Variants in BPTF observed in about 807,000 individuals in gnomAD.
The protein encoded by BPTF is bromodomain PHD finger transcription factor.
A neutral mutation model predicts 292.5 loss-of-function variants in BPTF; 18 were observed. That is an observed-to-expected ratio of 0.06 (90% CI 0.04 to 0.09). The LOEUF is 0.09. Ranked by LOEUF, BPTF falls within the 10% of genes least tolerant of loss-of-function variation. BPTF has a pLI of 1.00. For missense variants in BPTF, 2,726 were observed against 3,498.7 expected, an observed-to-expected ratio of 0.78 and a Z score of 5.57; for synonymous variants, 1,225 against 1,251.9, an observed-to-expected ratio of 0.98 and a Z score of 0.45.
intron 13 of BPTF, among the ~76,000 whole-genome samples, chr17:67,922,523 A>G (rs958511779): frequency 7.9e-5 from 12 of 152,170 alleles, no homozygotes; most frequent in African/African-American, 2.9e-4. Flanking sequence ...GAGGCTTGGA[A>G]TAGTGCTCCA....
In BPTF at chr17:67,857,148, A is replaced by ATTTTTT. The variant is rs35727338; in HGVS notation, c.1436+2406_1436+2411dup. On this transcript the variant is annotated intron_variant, in intron 2 of 27. Coordinates refer to ENST00000306378, the MANE Select transcript of BPTF (RefSeq NM_182641.4). ...TATCCTTATGAGTTCGTCTTTAACA[A>ATTTTTT]TTTTTTTTTTTTTTTTTTTTTTTTT... Among the ~76,000 whole-genome samples, 43 of 97,634 alleles carry ATTTTTT rather than the reference A, an allele frequency of 4.4e-4. 1 individual carries two copies. The highest frequency in any genetic ancestry group is 6.6e-4 in the African/African-American group (20 of 30,472). The allele number at this position is 97,634 out of a possible 152,430, so 64.1% of individuals were successfully genotyped here. A position where few individuals can be genotyped will look rare whatever the true frequency, so the allele number is the denominator to read the frequency against.
intron 27 of BPTF, among the ~76,000 whole-genome samples, chr17:67,981,265 T>A (rs782814769): frequency 6.6e-6 from 1 of 152,260 alleles, no homozygotes; most frequent in Non-Finnish European, 1.5e-5. Flanking sequence ...TAAGGCAGAA[T>A]GAAACATAAC....
At chr17:67,910,193 T>C (rs2146883015) in intron 10 of BPTF, among the ~76,000 whole-genome samples, 1 of 152,350 alleles carries the variant, frequency 6.6e-6, no homozygotes, top group East Asian at 1.9e-4. Context: ...GTAGCATTTA[T>C]CAGTACTTTC....
chr17:67,948,183 G>A lies in BPTF; in HGVS notation c.7803G>A (p.Gln2601=), dbSNP rs190883344. The A allele has an allele frequency of 4.4e-5, 71 of 1,614,164 alleles. 1 individual carries two copies. The East Asian group carries it at 1.2e-3, about 28-fold the overall frequency. The change falls in exon 23 of 28, where the codon CAG becomes CAA. Residue 2601 remains glutamine (Q), a synonymous_variant. Coordinates refer to ENST00000306378, the MANE Select transcript of BPTF (RefSeq NM_182641.4). ...KKRKREESVE[Q]KRSKQNATKL... ...GGAAGCGTGAAGAGAGTGTGGAGCAGAAACGTAGCAAGCAGAATGCCACTA... is the reference window on the plus strand; with the variant it reads ...GGAAGCGTGAAGAGAGTGTGGAGCAAAAACGTAGCAAGCAGAATGCCACTA...
In BPTF at chr17:67,866,677, G is replaced by A. The variant is rs766745154; in HGVS notation, c.1650G>A (p.Ala550=). The stretch of plus-strand genomic sequence containing the variant: ...GGGGCAGTAACAAATCCTTTCTGGC[G>A]GCAGCTAATGGTGAGAGGGGCATTT... The part of the protein sequence containing the change: ...KARGSNKSFL[A]AANEEILESI... The change falls in exon 3 of 28, where the codon GCG becomes GCA. Residue 550 remains alanine (A), a synonymous_variant. Coordinates refer to ENST00000306378, the MANE Select transcript of BPTF (RefSeq NM_182641.4). 3.7e-6 allele frequency: 6 copies of A among 1,612,230 alleles called. No homozygotes were observed. Among genetic ancestry groups the A allele is most frequent in the South Asian group, 1.1e-5 (1 of 90,926 alleles).
At position 67,903,809 on chromosome 17, in the gene BPTF, T is replaced by C. The variant is rs1249984546; in HGVS notation, c.2564T>C (p.Ile855Thr). The change falls in exon 8 of 28, where the codon ATT becomes ACT. Residue 855 changes from isoleucine to threonine, a missense_variant. Ile to Thr is a moderately conservative substitution (Grantham distance 89, BLOSUM62 -1). Coordinates refer to ENST00000306378, the MANE Select transcript of BPTF (RefSeq NM_182641.4). ...CTTAGGTTACACCGGATGACATCAA[T>C]TGAAAGAGAAGAAAAGGAGAAAGTC... ...GHTRLHRMTS[I>T]EREEKEKVKK... 18 of 1,576,728 alleles carry C rather than the reference T, an allele frequency of 1.1e-5. No homozygotes were observed. The highest frequency in any genetic ancestry group is 1.5e-5 in the Non-Finnish European group (17 of 1,167,360).
intron 27 of BPTF, among the ~76,000 whole-genome samples, chr17:67,976,642 C>T (rs1555694018): frequency 7.2e-6 from 1 of 138,712 alleles, no homozygotes. Flanking sequence ...GCTGTGATTA[C>T]ACCACTGCTC....
At chr17:67,875,687 G>C (rs574639917) in intron 4 of BPTF, 2 of 1,606,936 alleles carry the variant, frequency 1.2e-6, no homozygotes, top group African/African-American at 1.3e-5. Flanking sequence ...AGAAACCCCC[G>C]ATAGCAGCAA....
chr17:67,872,847 A>G (rs2059828103), intron 3 of BPTF, among the ~76,000 whole-genome samples: 1 of 152,060 alleles, frequency 6.6e-6, no homozygotes, highest in Non-Finnish European at 1.5e-5. Flanking sequence ...CTGTAACCCC[A>G]GTGCTTTGGT....
intron 9 of BPTF, among the ~76,000 whole-genome samples, chr17:67,907,305 A>G (rs1352157866): frequency 1.3e-5 from 2 of 151,216 alleles, no homozygotes; most frequent in Non-Finnish European, 2.9e-5. Context: ...AACTACACAA[A>G]TACAAAGAGA....
At chr17:67,870,001 CAAAAAAAAAAAAA>C (rs59327152) in intron 3 of BPTF, among the ~76,000 whole-genome samples, 2 of 59,194 alleles carry the variant, frequency 3.4e-5, no homozygotes, top group African/African-American at 5.8e-5. Context: ...GACTCCGTCT[CAAAAAAAAAAAAA>C]AAAAAAAAAA....
chr17:67,836,963 A>T (rs1368944665), intron 1 of BPTF, among the ~76,000 whole-genome samples: 1 of 152,198 alleles, frequency 6.6e-6, no homozygotes, highest in African/African-American at 2.4e-5. Flanking sequence ...AACTTGGAAG[A>T]TTACCTTCTT....
At chr17:67,920,909 TAAG>T (rs1217252212) in intron 13 of BPTF, among the ~76,000 whole-genome samples, 3 of 151,738 alleles carry the variant, frequency 2.0e-5, no homozygotes, top group Non-Finnish European at 4.4e-5. Flanking sequence ...AAAAACCTAG[TAAG>T]AAATATATAA....
intron 7 of BPTF, among the ~76,000 whole-genome samples, chr17:67,894,563 T>G (rs2061325721): frequency 6.6e-6 from 1 of 152,094 alleles, no homozygotes. Context: ...CTCCTGACCT[T>G]GTGATCTGCC....
At chr17:67,848,117 C>A (rs1215557458) in intron 1 of BPTF, among the ~76,000 whole-genome samples, 2 of 151,896 alleles carry the variant, frequency 1.3e-5, no homozygotes, top group Non-Finnish European at 2.9e-5. Flanking sequence ...TAGAAACACA[C>A]ATTATATAGA....
intron 18 of BPTF, among the ~76,000 whole-genome samples, chr17:67,937,971 G>A (rs773493340): frequency 2.0e-5 from 3 of 152,178 alleles, no homozygotes; most frequent in Admixed American, 6.5e-5. Context: ...AAAAATAGCC[G>A]GGCATGGTGG....
chr17:67,896,982 A>T (rs2061490416), intron 7 of BPTF, among the ~76,000 whole-genome samples: 1 of 152,172 alleles, frequency 6.6e-6, no homozygotes, highest in South Asian at 2.1e-4. Context: ...TAAGTCTCTG[A>T]TAAGATTATC....
intron 9 of BPTF, among the ~76,000 whole-genome samples, chr17:67,905,055 A>C (rs1010869654): frequency 6.6e-6 from 1 of 152,198 alleles, no homozygotes; most frequent in Non-Finnish European, 1.5e-5. Flanking sequence ...AGATTGTAGA[A>C]TGGAACTTGT....
intron 4 of BPTF, among the ~76,000 whole-genome samples, chr17:67,884,867 T>A (rs1193189292): frequency 6.6e-6 from 1 of 152,166 alleles, no homozygotes; most frequent in African/African-American, 2.4e-5. Context: ...AGTAAATGCA[T>A]GTGTAATTTT....
Sources: allele counts gnomAD v4.1 joint callset (sites outside exome capture counted in the v4.1 genomes callset), GRCh38; gene constraint gnomAD v4.1.1; transcripts MANE v1.5; gene names NCBI Gene and HGNC (gene_info 2026-07-23, HGNC 2026-07-21).